ZFAND3: variants seen among roughly 807,000 people sequenced by gnomAD.
ZFAND3 encodes the protein zinc finger AN1-type containing 3.
ZFAND3 carries 10 observed loss-of-function variants against 29.6 expected under a neutral mutation model. That is an observed-to-expected ratio of 0.34 (90% CI 0.21 to 0.57). The LOEUF is 0.57. Among genes scored for constraint, ZFAND3 ranks in the 20% least tolerant of loss-of-function variants. The pLI is 0.86. For synonymous variants in ZFAND3, 128 were observed against 112.6 expected (o/e 1.14, Z -0.87); for missense variants, 230 against 304.5 (o/e 0.76, Z 1.82).
intron 2 of ZFAND3, among the ~76,000 whole-genome samples, chr6:38,007,450 T>C (rs1387310484): frequency 2.0e-5 from 3 of 151,890 alleles, no homozygotes; most frequent in Non-Finnish European, 4.4e-5. Flanking sequence ...GAGGCTGAGG[T>C]GGGAGGATCA....
intron 5 of ZFAND3, among the ~76,000 whole-genome samples, chr6:38,141,911 C>T (rs868045194): frequency 3.9e-5 from 6 of 152,204 alleles, no homozygotes; most frequent in African/African-American, 9.6e-5. Flanking sequence ...GAGCACATGC[C>T]GGGTGCTTCA....
intron 4 of ZFAND3, among the ~76,000 whole-genome samples, chr6:38,091,691 C>CTTT (rs34406765): frequency 0.013 from 1,628 of 129,794 alleles, 61 homozygotes; most frequent in African/African-American, 0.041. Flanking sequence ...ATTAAGGAGC[C>CTTT]TTTTTTTTTT....
At position 38,152,813 on chromosome 6, in the gene ZFAND3, G is replaced by A. The variant is rs761763465; in HGVS notation, c.*424G>A. On this transcript the variant is annotated 3_prime_UTR_variant, in exon 6 of 6. Transcript: ENST00000287218. ...TTGCCAGAAACTCTGTTTAATGATC[G>A]GCCTTTCACCTCTTCACTTATCCTT... The A allele has an allele frequency of 1.6e-5, 16 of 987,206 alleles. No homozygotes were observed. The highest frequency in any genetic ancestry group is 1.8e-5 in the Non-Finnish European group (15 of 831,018). The allele number at this position is 987,206 out of a possible 1,614,324, so 61.2% of individuals were successfully genotyped here. A position where few individuals can be genotyped will look rare whatever the true frequency, so the allele number is the denominator to read the frequency against.
At chr6:37,839,994 G>C (rs555031939) in intron 1 of ZFAND3, among the ~76,000 whole-genome samples, 1 of 151,818 alleles carries the variant, frequency 6.6e-6, no homozygotes, top group African/African-American at 2.4e-5. Context: ...TTGTGCTTTT[G>C]GTATATCTGA....
intron 5 of ZFAND3, among the ~76,000 whole-genome samples, chr6:38,145,349 A>G (rs1042879730): frequency 2.6e-5 from 4 of 152,178 alleles, no homozygotes; most frequent in Admixed American, 1.3e-4. Flanking sequence ...GCAGTGATTG[A>G]TGTTGATTTT....
chr6:37,915,580 G>A (rs964469840), intron 1 of ZFAND3: 7 of 152,228 alleles, frequency 4.6e-5, no homozygotes, highest in African/African-American at 1.2e-4. Flanking sequence ...GGAATGGCCA[G>A]TTGGCAGAGT....
chr6:38,106,498 T>C (rs2127480378), intron 4 of ZFAND3, among the ~76,000 whole-genome samples: 1 of 152,342 alleles, frequency 6.6e-6, no homozygotes. Flanking sequence ...AATGTGGGGA[T>C]GACAGGTATG....
chr6:38,117,256 CTTTTTTTTTTTT>C lies in ZFAND3; in HGVS notation c.529+528_529+539del, dbSNP rs35684874. ...TAGTCAGTTAATACCTTGAAATAGCCTTTTTTTTTTTTTTTTTTTTTTCCTGGGCTGAATCCA... is the reference window on the plus strand; with the variant it reads ...TAGTCAGTTAATACCTTGAAATAGCCTTTTTTTTTTCCTGGGCTGAATCCA... On this transcript the variant is annotated intron_variant, in intron 5 of 5. Transcript: ENST00000287218. Among the ~76,000 whole-genome samples, 10 of 96,356 alleles carry C rather than the reference CTTTTTTTTTTTT, an allele frequency of 1.0e-4. 1 individual carries two copies. Among genetic ancestry groups the C allele is most frequent in the African/African-American group, 1.7e-4 (4 of 23,632 alleles). 63.2% of individuals were successfully genotyped at this position (96,356 alleles called of 152,430 possible).
intron 2 of ZFAND3, among the ~76,000 whole-genome samples, chr6:38,056,767 T>A (rs918056358): frequency 6.6e-6 from 1 of 152,230 alleles, no homozygotes; most frequent in African/African-American, 2.4e-5. Flanking sequence ...TCACTTTATC[T>A]TCTGGAGACA....
intron 1 of ZFAND3, among the ~76,000 whole-genome samples, chr6:37,866,297 T>A (rs1280843746): frequency 6.6e-6 from 1 of 152,228 alleles, no homozygotes; most frequent in African/African-American, 2.4e-5. Flanking sequence ...TTTTTGTTTC[T>A]TCCTGAAATT....
intron 1 of ZFAND3, among the ~76,000 whole-genome samples, chr6:37,866,952 A>G (rs1036276966): frequency 1.3e-5 from 2 of 152,014 alleles, no homozygotes; most frequent in African/African-American, 4.8e-5. Flanking sequence ...ACAGAAGGCA[A>G]CTCCATTTGT....
chr6:37,908,544 A>T (rs1581752165), intron 1 of ZFAND3, among the ~76,000 whole-genome samples: 1 of 58,332 alleles, frequency 1.7e-5, no homozygotes, highest in Non-Finnish European at 3.6e-5. Flanking sequence ...AAAAAAATTA[A>T]AAAAAAAAAA....
At chr6:38,038,022 A>G (rs1763691597) in intron 2 of ZFAND3, among the ~76,000 whole-genome samples, 1 of 152,164 alleles carries the variant, frequency 6.6e-6, no homozygotes. Flanking sequence ...CAAAGAACAG[A>G]GAGATTGGAG....
chr6:37,874,083 T>A (rs904886061), intron 1 of ZFAND3, among the ~76,000 whole-genome samples: 3 of 152,110 alleles, frequency 2.0e-5, no homozygotes, highest in African/African-American at 7.2e-5. Context: ...GAAATCAAGG[T>A]TTGTTGGCAG....
At chr6:37,824,682 A>G (rs776142873) in intron 1 of ZFAND3, among the ~76,000 whole-genome samples, 2 of 152,218 alleles carry the variant, frequency 1.3e-5, no homozygotes, top group Non-Finnish European at 2.9e-5. Context: ...GGGGCTTATT[A>G]GGTAAATTAT....
At chr6:38,095,144 G>A (rs1452230399) in intron 4 of ZFAND3, among the ~76,000 whole-genome samples, 1 of 152,168 alleles carries the variant, frequency 6.6e-6, no homozygotes, top group Middle Eastern at 3.2e-3. Flanking sequence ...AGGCCACCGT[G>A]ATACATGCTA....
intron 2 of ZFAND3, among the ~76,000 whole-genome samples, chr6:38,060,186 A>G (rs916262213): frequency 2.6e-5 from 4 of 152,114 alleles, no homozygotes; most frequent in Non-Finnish European, 5.9e-5. Flanking sequence ...GAACCTGAGT[A>G]TATGCGGGAG....
At chr6:37,984,209 A>G (rs1762627341) in intron 2 of ZFAND3, among the ~76,000 whole-genome samples, 1 of 152,240 alleles carries the variant, frequency 6.6e-6, no homozygotes, top group South Asian at 2.1e-4. Flanking sequence ...GGTAATTGCA[A>G]GATAGAGCAT....
intron 1 of ZFAND3, among the ~76,000 whole-genome samples, chr6:37,903,900 C>T (rs1430108936): frequency 7.2e-5 from 11 of 151,988 alleles, no homozygotes; most frequent in South Asian, 6.2e-4. Context: ...GGCAATATGA[C>T]GAAATTCTGA....
Sources: allele counts gnomAD v4.1 joint callset (sites outside exome capture counted in the v4.1 genomes callset), GRCh38; gene constraint gnomAD v4.1.1; transcripts MANE v1.5; gene names NCBI Gene and HGNC (gene_info 2026-07-23, HGNC 2026-07-21).